Variants in PAPPA observed in about 807,000 individuals in gnomAD.
PAPPA encodes the protein pappalysin 1.
PAPPA carries 60 observed loss-of-function variants against 164.0 expected under a neutral mutation model. The observed-to-expected ratio is 0.37, with a 90% confidence interval of 0.30 to 0.45. The LOEUF (loss-of-function observed/expected upper bound fraction) is 0.45. Among genes scored for constraint, PAPPA ranks in the 20% least tolerant of loss-of-function variants. PAPPA has a pLI of 1.00. For missense variants in PAPPA, 1,782 were observed against 2,087.3 expected, an observed-to-expected ratio of 0.85 and a Z score of 2.85; for synonymous variants, 875 against 814.1, an observed-to-expected ratio of 1.07 and a Z score of -1.27.
intron 10 of PAPPA, among the ~76,000 whole-genome samples, chr9:116,303,705 C>T (rs970081792): frequency 1.3e-5 from 2 of 152,184 alleles, no homozygotes; most frequent in Non-Finnish European, 2.9e-5. Context: ...AGAGACCAGC[C>T]TGCCTCCTGG....
chr9:116,221,128 A>G (rs770060592), intron 5 of PAPPA, among the ~76,000 whole-genome samples: 7 of 152,132 alleles, frequency 4.6e-5, no homozygotes, highest in Non-Finnish European at 7.4e-5. Flanking sequence ...AACTGGGTCT[A>G]ATGATACTAC....
chr9:116,263,868 C>T (rs1004017606), intron 7 of PAPPA, among the ~76,000 whole-genome samples: 4 of 152,204 alleles, frequency 2.6e-5, no homozygotes, highest in African/African-American at 4.8e-5. Flanking sequence ...TATCATCAGC[C>T]GCAAATCACT....
At chr9:116,273,986 G>A (rs1237399330) in intron 9 of PAPPA, among the ~76,000 whole-genome samples, 1 of 152,060 alleles carries the variant, frequency 6.6e-6, no homozygotes, top group Admixed American at 6.6e-5. Flanking sequence ...AGGAAATTGA[G>A]GTATGGGGTG....
chr9:116,337,872 G>A (rs557658214), intron 13 of PAPPA, among the ~76,000 whole-genome samples: 54 of 152,220 alleles, frequency 3.5e-4, no homozygotes, highest in African/African-American at 1.3e-3. Context: ...GCAGTACTTG[G>A]TATAAATTCA....
chr9:116,322,899 C>T (rs1172193040), intron 10 of PAPPA, among the ~76,000 whole-genome samples: 1 of 152,120 alleles, frequency 6.6e-6, no homozygotes, highest in Non-Finnish European at 1.5e-5. Flanking sequence ...CTATTTTCTT[C>T]TATAAGGCTC....
At chr9:116,287,112 C>G (rs1016039149) in intron 9 of PAPPA, 4 of 152,210 alleles carry the variant, frequency 2.6e-5, no homozygotes, top group Admixed American at 2.6e-4. Flanking sequence ...ATGACTTACC[C>G]TCTTGAAACC....
At chr9:116,283,431 C>T (rs1421043408) in intron 9 of PAPPA, among the ~76,000 whole-genome samples, 1 of 152,062 alleles carries the variant, frequency 6.6e-6, no homozygotes, top group Non-Finnish European at 1.5e-5. Flanking sequence ...ACAGTGAGTG[C>T]ACCAGTCCTA....
chr9:116,359,868 G>C (rs1397288803), intron 17 of PAPPA, among the ~76,000 whole-genome samples: 1 of 152,242 alleles, frequency 6.6e-6, no homozygotes, highest in African/African-American at 2.4e-5. Context: ...CAACCTACCA[G>C]TATGCCTTGT....
Position 116,387,875 on chromosome 9 carries a change from G to A in PAPPA, c.4776+5382G>A, listed in dbSNP as rs146460561. Among the ~76,000 whole-genome samples the A allele has an allele frequency of 7.0e-4, 106 of 152,244 alleles. 1 individual carries two copies. In the East Asian group the frequency reaches 0.019, roughly 28 times the overall value. Reference sequence around the variant, plus strand: ...CCAAGCGTCTTGTCCTGCCCCTTGTGGGTGATATTCTTGCTTCATAGACCT... The same window carrying A: ...CCAAGCGTCTTGTCCTGCCCCTTGTAGGTGATATTCTTGCTTCATAGACCT... On this transcript the variant is annotated intron_variant, in intron 21 of 21. Transcript: ENST00000328252.
At chr9:116,293,877 C>T (rs550511759) in intron 9 of PAPPA, among the ~76,000 whole-genome samples, 2 of 152,246 alleles carry the variant, frequency 1.3e-5, no homozygotes, top group South Asian at 2.1e-4. Flanking sequence ...ATCACTTGAA[C>T]CCACGGAGGT....
At position 116,187,637 on chromosome 9, in the gene PAPPA, T is replaced by G. The variant is rs751577298; in HGVS notation, c.899T>G (p.Met300Arg). 10 of 1,614,176 alleles carry G rather than the reference T, an allele frequency of 6.2e-6. No homozygotes were observed. The highest frequency in any genetic ancestry group is 8.5e-6 in the Non-Finnish European group (10 of 1,180,010). ...WDNVKHAWSP[M>R]KDGSSPKVEF... Reference sequence around the variant, plus strand: ...AATGTGAAGCATGCCTGGTCCCCCATGAAGGATGGCAGCAGCCCCAAAGTG... The same window carrying G: ...AATGTGAAGCATGCCTGGTCCCCCAGGAAGGATGGCAGCAGCCCCAAAGTG... Residue 300 changes from methionine (M) to arginine (R), a missense_variant, in exon 2 of 22, where the codon ATG (methionine) becomes AGG (arginine). Around this residue, in one of 2 missense-constraint regions of PAPPA, gnomAD observed 458 missense variants for 430.3 expected, o/e 1.06. Transcript: ENST00000328252. The surrounding 1 kb of genome is among the most constrained non-coding windows in gnomAD (Gnocchi z 4.2).
At chr9:116,379,361 C>T (rs1028927450) in intron 20 of PAPPA, among the ~76,000 whole-genome samples, 6 of 152,266 alleles carry the variant, frequency 3.9e-5, no homozygotes, top group African/African-American at 1.4e-4. Flanking sequence ...ACCCCTGAGC[C>T]CCTGTTTTCT....
At position 116,398,502 on chromosome 9, in the gene PAPPA, C is replaced by T; in HGVS notation, c.*1886C>T. The T allele has an allele frequency of 1.8e-6, 2 of 1,131,122 alleles. No homozygotes were observed. Among genetic ancestry groups the T allele is most frequent in the Non-Finnish European group, 2.2e-6 (2 of 890,644 alleles). The allele number at this position is 1,131,122 out of a possible 1,614,324, so 70.1% of individuals were successfully genotyped here. On this transcript the variant is annotated 3_prime_UTR_variant, in exon 22 of 22. Coordinates refer to ENST00000328252, the MANE Select transcript of PAPPA (RefSeq NM_002581.5). ...CTTAAAAAAAAAAAAAAAAAGAGAC[C>T]AAAAATAACTTTAGGAACCACCATA...
rs1251544135 is a variant in PAPPA at position 116,271,542 on chromosome 9, T to C, written c.2953+126T>C. On this transcript the variant is annotated intron_variant, in intron 9 of 21. Transcript: ENST00000328252. The surrounding 1 kb of genome is among the most constrained non-coding windows in gnomAD (Gnocchi z 4.2). ...CACTCCTTTGTATTACACCTGTTTA[T>C]TGAGTGCCTCCTACATGCCAGGCAC... 1 of 719,340 alleles carries C rather than the reference T, an allele frequency of 1.4e-6. No individual in the cohort carries two copies. The highest frequency in any genetic ancestry group is 2.4e-6 in the Non-Finnish European group (1 of 408,872). The allele number at this position is 719,340 out of a possible 1,614,324, so 44.6% of individuals were successfully genotyped here.
At chr9:116,296,959 A>C (rs955600376) in intron 9 of PAPPA, among the ~76,000 whole-genome samples, 2 of 151,960 alleles carry the variant, frequency 1.3e-5, no homozygotes, top group Non-Finnish European at 2.9e-5. Context: ...TGTTCAACTG[A>C]TTCTCCTGCC....
chr9:116,199,494 A>G (rs1004515069), intron 2 of PAPPA, among the ~76,000 whole-genome samples: 1 of 152,088 alleles, frequency 6.6e-6, no homozygotes, highest in Non-Finnish European at 1.5e-5. Context: ...AGACACTGCC[A>G]ATGCCTCCTT....
intron 19 of PAPPA, among the ~76,000 whole-genome samples, chr9:116,370,887 G>A (rs1409292749): frequency 6.6e-6 from 1 of 152,202 alleles, no homozygotes; most frequent in East Asian, 1.9e-4. Flanking sequence ...CTAGCACACA[G>A]CAGGTACTTG....
At chr9:116,264,773 A>C (rs1287163087) in intron 7 of PAPPA, among the ~76,000 whole-genome samples, 4 of 152,222 alleles carry the variant, frequency 2.6e-5, no homozygotes, top group African/African-American at 7.2e-5. Flanking sequence ...ACTAAAAATA[A>C]TTGATGCAGA....
At chr9:116,387,029 G>C (rs1376893022) in intron 21 of PAPPA, among the ~76,000 whole-genome samples, 1 of 152,048 alleles carries the variant, frequency 6.6e-6, no homozygotes, top group Non-Finnish European at 1.5e-5. Context: ...CTCAGCCCCA[G>C]TCCCATATCA....
Sources: allele counts gnomAD v4.1 joint callset (sites outside exome capture counted in the v4.1 genomes callset), GRCh38; gene constraint gnomAD v4.1.1; regional missense constraint gnomAD v4.1.1; non-coding constraint Gnocchi (gnomAD v3.1); transcripts MANE v1.5; gene names NCBI Gene and HGNC (gene_info 2026-07-23, HGNC 2026-07-21).